The following ABCA10 variants were observed in gnomAD, a reference collection of about 807,000 sequenced individuals.
The protein encoded by ABCA10 is ATP-binding cassette sub-family A member 10.
Under a neutral mutation model 187.5 loss-of-function variants are expected in ABCA10, and 169 were observed. The ratio of observed to expected loss-of-function variants is 0.90; its 90% CI spans 0.80 to 1.02. The LOEUF (loss-of-function observed/expected upper bound fraction) is 1.02. Ranked by LOEUF, ABCA10 falls within the 50% of genes least tolerant of loss-of-function variation. ABCA10 has a pLI of 0.00. For synonymous variants in ABCA10, 574 were observed against 601.8 expected, an observed-to-expected ratio of 0.95 and a Z score of 0.68; for missense variants, 1,727 against 1,812.4, an observed-to-expected ratio of 0.95 and a Z score of 0.86.
rs2074731141 is a variant in ABCA10 at position 69,219,635 on chromosome 17, A to T, written c.440T>A (p.Phe147Tyr). The stretch of plus-strand genomic sequence containing the variant: ...AACATTTAATGATGCAAAGTATATA[A>T]AAGAAGAGAAAGAAACTAAGCAAGT... ...HFTCLVSFSS[F>Y]IYFASLNVAR... Residue 147 changes from phenylalanine (F) to tyrosine (Y), a missense_variant, in exon 6 of 39, where the codon TTT (phenylalanine) becomes TAT (tyrosine). By Grantham distance (22) the Phe-to-Tyr change is conservative (BLOSUM62 3). Transcript: ENST00000690296. 7 of 1,610,738 alleles carry T rather than the reference A, an allele frequency of 4.3e-6. No homozygotes were observed. Among genetic ancestry groups the T allele is most frequent in the Non-Finnish European group, 5.9e-6 (7 of 1,178,694 alleles).
intron 18 of ABCA10, among the ~76,000 whole-genome samples, chr17:69,188,424 T>C (rs746107212): frequency 6.6e-6 from 1 of 151,714 alleles, no homozygotes; most frequent in Non-Finnish European, 1.5e-5. Context: ...CATGGGCAGC[T>C]TGATGTTATT....
chr17:69,159,051 T>C (rs972060627), intron 27 of ABCA10, among the ~76,000 whole-genome samples: 2 of 151,880 alleles, frequency 1.3e-5, no homozygotes, highest in African/African-American at 4.8e-5. Context: ...AGATTAAACA[T>C]TTAAGTATTT....
chr17:69,242,903 T>C (rs2074913890), intron 1 of ABCA10, among the ~76,000 whole-genome samples: 1 of 152,148 alleles, frequency 6.6e-6, no homozygotes, highest in Non-Finnish European at 1.5e-5. Context: ...ACCTGAAACT[T>C]AGATTGGGTT....
chr17:69,231,888 C>A (rs1189245469), upstream of ABCA10, among the ~76,000 whole-genome samples: 1 of 151,896 alleles, frequency 6.6e-6, no homozygotes, highest in Non-Finnish European at 1.5e-5. Flanking sequence ...TATATTTGTC[C>A]TTTTAGATCT....
At chr17:69,194,574 T>C (rs2074485115) in intron 11 of ABCA10, 79 bp from the exon 12 acceptor site, 1 of 900,064 alleles carries the variant, frequency 1.1e-6, no homozygotes, top group Admixed American at 2.4e-5. Flanking sequence ...AAAAGTAAAA[T>C]ATATCTCAGC....
At chr17:69,229,021 A>G (rs2144857013), upstream of ABCA10, among the ~76,000 whole-genome samples, 1 of 152,196 alleles carries the variant, frequency 6.6e-6, no homozygotes, top group Admixed American at 6.6e-5. Context: ...AAAGTTGAAC[A>G]GAGAGAGAGA....
intron 19 of ABCA10, among the ~76,000 whole-genome samples, chr17:69,187,263 T>C (rs1443350706): frequency 1.3e-5 from 2 of 152,166 alleles, no homozygotes; most frequent in African/African-American, 4.8e-5. Context: ...TCATACCAAC[T>C]GCGCTTGAAT....
intron 22 of ABCA10, chr17:69,175,747 C>T (rs1481689666): frequency 6.9e-6 from 2 of 291,494 alleles, no homozygotes; most frequent in Non-Finnish European, 1.3e-5. Context: ...GGTAGTCTCC[C>T]GTTTCCACAG....
At position 69,155,966 on chromosome 17, in the gene ABCA10, T is replaced by G. The variant is rs779020184; in HGVS notation, c.3456-41A>C. ...AATAACATAAAAATGCAATTTTGGCTGTACAACTGTTAAGAAAATGTAAAC... is the reference window on the plus strand; with the variant it reads ...AATAACATAAAAATGCAATTTTGGCGGTACAACTGTTAAGAAAATGTAAAC... On this transcript the variant is annotated intron_variant, in intron 28 of 38. Coordinates refer to ENST00000690296, the MANE Select transcript of ABCA10 (RefSeq NM_001377321.1). The G allele has an allele frequency of 9.5e-6, 15 of 1,586,572 alleles. No homozygotes were observed. The African/African-American group carries it at 2.0e-4, about 22-fold the overall frequency.
chr17:69,211,326 T>TATATCATATATATACATCATATATATG (rs2074651431), intron 9 of ABCA10, among the ~76,000 whole-genome samples: 3 of 21,756 alleles, frequency 1.4e-4, no homozygotes, highest in African/African-American at 7.8e-4. Flanking sequence ...TATATATATA[T>TATATCATATATATACATCATATATATG]ATATATATAT....
At chr17:69,208,560 C>T (rs2074610545) in intron 9 of ABCA10, among the ~76,000 whole-genome samples, 1 of 151,946 alleles carries the variant, frequency 6.6e-6, no homozygotes, top group South Asian at 2.1e-4. Flanking sequence ...TTCCTCTACC[C>T]ACTACAAAAA....
intron 36 of ABCA10, among the ~76,000 whole-genome samples, chr17:69,151,474 A>G (rs1411497099): frequency 1.3e-5 from 2 of 152,220 alleles, no homozygotes; most frequent in African/African-American, 2.4e-5. Context: ...GAAATGGTAT[A>G]CAAGAAAATT....
Position 69,182,819 on chromosome 17 carries a change from G to A in ABCA10, c.2498-11C>T. The A allele has an allele frequency of 1.3e-6, 2 of 1,510,482 alleles. No homozygotes were observed. The highest frequency in any genetic ancestry group is 1.8e-6 in the Non-Finnish European group (2 of 1,135,552). 93.6% of individuals were successfully genotyped at this position (1,510,482 alleles called of 1,614,324 possible). ...CTTCAATATTTGATCCTAACATAGTGGAAGGAAGGCAACAAGAAAAAAAAA... is the reference window on the plus strand; with the variant it reads ...CTTCAATATTTGATCCTAACATAGTAGAAGGAAGGCAACAAGAAAAAAAAA... On this transcript the variant is annotated splice_polypyrimidine_tract_variant and intron_variant, in intron 20 of 38. Coordinates refer to ENST00000690296, the MANE Select transcript of ABCA10 (RefSeq NM_001377321.1).
In ABCA10 at chr17:69,148,885, A is replaced by T. The variant is rs1370201602; in HGVS notation, c.4574T>A (p.Val1525Asp). 9 of 1,613,634 alleles carry T rather than the reference A, an allele frequency of 5.6e-6. No homozygotes were observed. Among genetic ancestry groups the T allele is most frequent in the Non-Finnish European group, 6.8e-6 (8 of 1,179,872 alleles). The change falls in exon 39 of 39, where the codon GTT (valine) becomes GAT (aspartate). Residue 1525 changes from valine to aspartate, a missense_variant. By Grantham distance (152) the Val-to-Asp change is radical (BLOSUM62 -3). Coordinates refer to ENST00000690296, the MANE Select transcript of ABCA10 (RefSeq NM_001377321.1). The part of the protein sequence containing the change: ...ELCKEQELGN[V>D]DDKIDTTVEW... ...AACTGTTGTATCAATTTTATCATCA[A>T]CATTTCCCAGCTCCTGCTCTTTACA...
At chr17:69,155,972 A>G (rs1443049052) in intron 28 of ABCA10, 47 bp from the exon 29 acceptor site, 2 of 1,575,148 alleles carry the variant, frequency 1.3e-6, no homozygotes, top group East Asian at 2.3e-5. Context: ...TGGCTGTACA[A>G]CTGTTAAGAA....
At chr17:69,192,485 T>C (rs768086805) in intron 16 of ABCA10, 78 bp downstream of exon 16, 33 of 1,284,872 alleles carry the variant, frequency 2.6e-5, no homozygotes, top group Non-Finnish European at 3.4e-5. Flanking sequence ...GCCTTTCTTA[T>C]ATTTCTAAAG....
rs201111219 is a variant in ABCA10, at chr17:69,190,437, T to G, written c.2052A>C (p.Ile684=). The change falls in exon 18 of 39, where the codon ATA becomes ATC. Residue 684 remains isoleucine (I), a synonymous_variant. Coordinates refer to ENST00000690296, the MANE Select transcript of ABCA10 (RefSeq NM_001377321.1). ...ATGTCACTGAAACAGCATAATTCCT[T>G]ATGCCCTGGTCAGAACACTTATCAA... is the stretch of plus-strand genomic sequence containing the variant. ...SDLDKCSDQG[I]RNYAVSVTSL... The G allele has an allele frequency of 1.1e-5, 17 of 1,587,906 alleles. No homozygotes were observed. In the Admixed American group the frequency reaches 2.6e-4, roughly 25 times the overall value.
intron 9 of ABCA10, among the ~76,000 whole-genome samples, chr17:69,212,475 G>A (rs1288741326): frequency 6.6e-6 from 1 of 152,112 alleles, no homozygotes; most frequent in East Asian, 1.9e-4. Flanking sequence ...GTAAATATTT[G>A]TTAAGTTCAG....
rs759555190 is a variant in ABCA10, at chr17:69,148,943, A to T, written c.4534-18T>A. 1 of 1,612,872 alleles carries T rather than the reference A, an allele frequency of 6.2e-7. No homozygotes were observed. Among genetic ancestry groups the T allele is most frequent in the South Asian group, 1.1e-5 (1 of 91,010 alleles). On this transcript the variant is annotated intron_variant, in intron 38 of 38. Transcript: ENST00000690296. ...AAGAATACCTAAGTAAGAGAAAATA[A>T]AAAAGATACAAAAATGTCAGGGTGT...
Sources: gnomAD v4.1 joint callset for allele counts (sites outside exome capture counted in the v4.1 genomes callset) on GRCh38, gnomAD v4.1.1 for gene constraint, MANE v1.5 for transcripts, NCBI Gene and HGNC (gene_info 2026-07-23, HGNC 2026-07-21) for gene names.